The following TARBP1 variants were observed in gnomAD, a reference collection of about 807,000 sequenced individuals.
TARBP1 encodes the protein tRNA guanosine 2 -O-methyltransferase TARBP1.
A neutral mutation model predicts 178.6 loss-of-function variants in TARBP1; 144 were observed. That is an observed-to-expected ratio of 0.81 (90% CI 0.70 to 0.93). The LOEUF is 0.93. Among genes scored for constraint, TARBP1 ranks in the 40% least tolerant of loss-of-function variants. TARBP1 has a pLI of 0.00. For missense variants in TARBP1, 2,067 were observed against 2,011.7 expected (o/e 1.03, Z -0.53); for synonymous variants, 787 against 781.0 (o/e 1.01, Z -0.13).
intron 14 of TARBP1, 110 bp from the exon 15 acceptor site, chr1:234,430,411 C>A: frequency 1.1e-6 from 1 of 881,394 alleles, no homozygotes; most frequent in South Asian, 1.7e-5. Context: ...CCTCTTCCTG[C>A]CTGCTCCTGA....
intron 12 of TARBP1, among the ~76,000 whole-genome samples, chr1:234,446,462 T>A (rs770996965): frequency 6.6e-6 from 1 of 152,098 alleles, no homozygotes; most frequent in Non-Finnish European, 1.5e-5. Context: ...TCATTTTAAA[T>A]GGTCTAGAAA....
At chr1:234,464,007 T>C (rs1668177144) in intron 5 of TARBP1, 73 bp from the exon 6 acceptor site, 3 of 881,344 alleles carry the variant, frequency 3.4e-6, no homozygotes, top group South Asian at 2.6e-5. Context: ...CTAGCCTAAA[T>C]GGACCATGGC....
intron 9 of TARBP1, among the ~76,000 whole-genome samples, chr1:234,456,559 A>G (rs1426464008): frequency 1.3e-5 from 2 of 152,242 alleles, no homozygotes; most frequent in Non-Finnish European, 2.9e-5. Flanking sequence ...TAAATGATAC[A>G]ATCAACTGCA....
At chr1:234,410,742 C>CA (rs1467759170) in intron 22 of TARBP1, among the ~76,000 whole-genome samples, 1 of 152,188 alleles carries the variant, frequency 6.6e-6, no homozygotes, top group Non-Finnish European at 1.5e-5. Flanking sequence ...CCAGTGCACA[C>CA]AAAAATCAGC....
At chr1:234,413,603 G>C (rs1031634792) in intron 22 of TARBP1, among the ~76,000 whole-genome samples, 10 of 152,190 alleles carry the variant, frequency 6.6e-5, no homozygotes, top group Non-Finnish European at 1.5e-5. Flanking sequence ...AGAGGAAAGA[G>C]GCCTAAGATC....
At chr1:234,406,254 G>A in intron 23 of TARBP1, 155 bp from the exon 24 acceptor site, 1 of 647,166 alleles carries the variant, frequency 1.5e-6, no homozygotes. Flanking sequence ...TTCCCTCCTG[G>A]TCAAATGCGG....
intron 22 of TARBP1, among the ~76,000 whole-genome samples, chr1:234,413,322 T>C (rs1662061146): frequency 6.6e-6 from 1 of 151,966 alleles, no homozygotes; most frequent in Non-Finnish European, 1.5e-5. Flanking sequence ...ATACAAAAAT[T>C]ATTTAGCTGG....
Position 234,462,295 on chromosome 1 carries a change from C to T in TARBP1, c.1399+1542G>A, listed in dbSNP as rs78239628. The stretch of plus-strand genomic sequence containing the variant: ...GCCCTGACCGACATCACTTCACTCA[C>T]GTGTGCTACTGACATGTAAGGCAGC... On this transcript the variant is annotated intron_variant, in intron 6 of 29. Coordinates refer to ENST00000040877, the MANE Select transcript of TARBP1 (RefSeq NM_005646.4). Among the ~76,000 whole-genome samples the T allele has an allele frequency of 8.5e-3, 1,288 of 152,314 alleles. 17 individuals are homozygous for T. The highest frequency in any genetic ancestry group is 0.029 in the African/African-American group (1,191 of 41,560).
chr1:234,459,377 G>T, intron 7 of TARBP1, 51 bp from the exon 8 acceptor site: 1 of 1,344,086 alleles, frequency 7.4e-7, no homozygotes, highest in South Asian at 1.3e-5. Context: ...AGACAATTCT[G>T]ATAATTTGTG....
At chr1:234,420,887 C>T (rs1663007225) in intron 20 of TARBP1, 75 bp from the exon 21 acceptor site, 2 of 902,810 alleles carry the variant, frequency 2.2e-6, no homozygotes, top group Admixed American at 4.4e-5. Flanking sequence ...TCAATGACAA[C>T]TTGAAATGTA....
At chr1:234,471,807 A>C (rs1409762886) in intron 2 of TARBP1, among the ~76,000 whole-genome samples, 1 of 152,228 alleles carries the variant, frequency 6.6e-6, no homozygotes, top group African/African-American at 2.4e-5. Flanking sequence ...AGTTAATTTG[A>C]ATTTAGAAAT....
At chr1:234,411,582 G>A (rs1182492060) in intron 22 of TARBP1, among the ~76,000 whole-genome samples, 1 of 152,218 alleles carries the variant, frequency 6.6e-6, no homozygotes, top group East Asian at 1.9e-4. Context: ...AGCCAGTTTG[G>A]CAGAGAGTGA....
chr1:234,414,751 G>A (rs1199367106), intron 22 of TARBP1, among the ~76,000 whole-genome samples: 5 of 152,192 alleles, frequency 3.3e-5, no homozygotes, highest in African/African-American at 1.2e-4. Context: ...TAGGGAGGCC[G>A]AAGCGGGCAG....
intron 10 of TARBP1, among the ~76,000 whole-genome samples, chr1:234,449,974 A>G (rs1227364653): frequency 6.6e-6 from 1 of 152,176 alleles, no homozygotes; most frequent in Non-Finnish European, 1.5e-5. Flanking sequence ...TAACAAAACT[A>G]TCCTTTTAAA....
In TARBP1 at chr1:234,474,137, T is replaced by C. The variant is rs368636719; in HGVS notation, c.932-1326A>G. Among the ~76,000 whole-genome samples the C allele has an allele frequency of 3.3e-5, 5 of 151,962 alleles. No homozygotes were observed. The South Asian group carries it at 1.0e-3, about 32-fold the overall frequency. The stretch of plus-strand genomic sequence containing the variant: ...TGCACACCTATCGTCCCAGCTTCTC[T>C]GGAGGCTGAGATGAGAGGATCACTT... On this transcript the variant is annotated intron_variant, in intron 1 of 29. Coordinates refer to ENST00000040877, the MANE Select transcript of TARBP1 (RefSeq NM_005646.4).
chr1:234,428,340 C>T (rs1664010069), intron 17 of TARBP1, among the ~76,000 whole-genome samples: 1 of 147,864 alleles, frequency 6.8e-6, no homozygotes, highest in African/African-American at 2.5e-5. Context: ...TATTTCTCTA[C>T]ACACACAAAA....
chr1:234,435,709 C>T (rs1664951958), intron 13 of TARBP1, among the ~76,000 whole-genome samples: 1 of 152,210 alleles, frequency 6.6e-6, no homozygotes, highest in Non-Finnish European at 1.5e-5. Context: ...TAAGTCCATA[C>T]ATCTGGCAAC....
At chr1:234,448,708 C>T (rs1321907189) in intron 10 of TARBP1, 129 bp from the exon 11 acceptor site, 2 of 704,580 alleles carry the variant, frequency 2.8e-6, no homozygotes, top group Middle Eastern at 2.6e-4. Context: ...CCGAGATGAA[C>T]TACAGCAGAA....
intron 20 of TARBP1, among the ~76,000 whole-genome samples, chr1:234,425,316 G>A (rs141764135): frequency 1.8e-4 from 28 of 152,284 alleles, no homozygotes; most frequent in African/African-American, 5.8e-4. Context: ...GATGGTACAC[G>A]AAAAACATTA....
Sources: gnomAD v4.1 joint callset for allele counts (sites outside exome capture counted in the v4.1 genomes callset) on GRCh38, gnomAD v4.1.1 for gene constraint, MANE v1.5 for transcripts, NCBI Gene and HGNC (gene_info 2026-07-23, HGNC 2026-07-21) for gene names.